The following COG2 variants were observed in gnomAD, a reference collection of about 807,000 sequenced individuals.
The protein encoded by COG2 is conserved oligomeric Golgi complex subunit 2.
A neutral mutation model predicts 90.6 loss-of-function variants in COG2; 52 were observed. The observed-to-expected ratio is 0.57, with a 90% confidence interval of 0.46 to 0.72. COG2 has a LOEUF of 0.72. COG2 is among the 30% of genes least tolerant of loss of function. The pLI is 0.00. For missense variants in COG2, 829 were observed against 891.2 expected, an observed-to-expected ratio of 0.93 and a Z score of 0.89; for synonymous variants, 337 against 320.4, an observed-to-expected ratio of 1.05 and a Z score of -0.55.
chr1:230,688,612 G>T, intron 15 of COG2, 50 bp downstream of exon 15: 1 of 1,602,672 alleles, frequency 6.2e-7, no homozygotes, highest in South Asian at 1.1e-5. Flanking sequence ...GTGTGTGTTA[G>T]GAAAGCCAAA....
intron 1 of COG2, among the ~76,000 whole-genome samples, chr1:230,643,655 GT>G (rs199999572): frequency 6.6e-6 from 1 of 150,726 alleles, no homozygotes; most frequent in Admixed American, 6.6e-5. Context: ...CTCCAAAGCT[GT>G]TTTTTTTTAA....
rs748661829 is a variant in COG2 at position 230,679,011 on chromosome 1, C to A, written c.1125C>A (p.Ser375Arg). 2.5e-6 allele frequency: 4 copies of A among 1,613,608 alleles called. No individual in the cohort carries two copies. In the Admixed American group the frequency reaches 6.7e-5, roughly 27 times the overall value. ...TAAGAGCCCATCCTGCCTATCACAGCTTCAATAAGAAGTGGAACTTGCCTG... is the reference window on the plus strand; with the variant it reads ...TAAGAGCCCATCCTGCCTATCACAGATTCAATAAGAAGTGGAACTTGCCTG... ...KRLRAHPAYH[S>R]FNKKWNLPVY... Residue 375 changes from serine (S) to arginine (R), a missense_variant, in exon 10 of 18, where the codon AGC (serine) becomes AGA (arginine). Ser to Arg is a moderately radical substitution (Grantham distance 110). Transcript: ENST00000366669.
chr1:230,678,482 A>G, intron 9 of COG2: 1 of 985,292 alleles, frequency 1.0e-6, no homozygotes, highest in Middle Eastern at 5.2e-4. Flanking sequence ...ATAAAAATGA[A>G]GTGAATACTC....
intron 17 of COG2, 76 bp from the exon 18 acceptor site, chr1:230,693,216 A>T (rs1663079444): frequency 1.1e-6 from 1 of 876,210 alleles, no homozygotes; most frequent in Non-Finnish European, 1.9e-6. Context: ...GAGGATGAAG[A>T]TTTTCTTTCT....
chr1:230,672,753 A>G (rs761952295), intron 8 of COG2, among the ~76,000 whole-genome samples: 3 of 151,916 alleles, frequency 2.0e-5, no homozygotes, highest in Non-Finnish European at 4.4e-5. Flanking sequence ...GGGTCTGCTG[A>G]GTACTGATTT....
chr1:230,666,045 C>T (rs1159713360), intron 5 of COG2, among the ~76,000 whole-genome samples: 1 of 152,144 alleles, frequency 6.6e-6, no homozygotes, highest in African/African-American at 2.4e-5. Flanking sequence ...TAATGGCCTC[C>T]TGGATGCTGA....
rs567142725 is a variant in COG2 at position 230,683,846 on chromosome 1, C to A, written c.1228+211C>A. Among the ~76,000 whole-genome samples, 11 of 151,582 alleles carry A rather than the reference C, an allele frequency of 7.3e-5. No homozygotes were observed. In the South Asian group the frequency reaches 2.3e-3, roughly 32 times the overall value. On this transcript the variant is annotated intron_variant, in intron 11 of 17. Coordinates refer to ENST00000366669, the MANE Select transcript of COG2 (RefSeq NM_007357.3). ...TCGCTGTGTTGCCCAGGCTGGAGTG[C>A]AATGGCATGATCTTGGCTCACTGCA...
At chr1:230,680,647 T>C (rs1407433076) in intron 10 of COG2, 1 of 152,248 alleles carries the variant, frequency 6.6e-6, no homozygotes, top group East Asian at 1.9e-4. Context: ...AAGGAGCTGA[T>C]TAGCCTTTTT....
rs1003862283 is a variant in COG2 at position 230,681,482 on chromosome 1, A to G, written c.1167-2092A>G. 18 of 152,308 alleles carry G rather than the reference A, an allele frequency of 1.2e-4. 1 individual carries two copies. The highest frequency in any genetic ancestry group is 4.1e-4 in the African/African-American group (17 of 41,564). The allele number at this position is 152,308 out of a possible 1,614,324, so 9.4% of individuals were successfully genotyped here. On this transcript the variant is annotated intron_variant, in intron 10 of 17. Transcript: ENST00000366669. ...ACGGGTGCACTTAATGATGTTTCCA[A>G]TACTTCAGAGAAAAAAAACAATAGG...
chr1:230,654,923 T>C (rs1662013421), intron 1 of COG2, among the ~76,000 whole-genome samples: 1 of 152,220 alleles, frequency 6.6e-6, no homozygotes, highest in Non-Finnish European at 1.5e-5. Flanking sequence ...ATAGGAATGC[T>C]TGTGATTTTT....
chr1:230,660,160 C>A (rs959789376), intron 2 of COG2, among the ~76,000 whole-genome samples: 1 of 152,134 alleles, frequency 6.6e-6, no homozygotes, highest in Non-Finnish European at 1.5e-5. Flanking sequence ...TTTTGGTCAT[C>A]CTGTTCCTAT....
At chr1:230,651,410 G>A (rs1661910938) in intron 1 of COG2, among the ~76,000 whole-genome samples, 1 of 152,132 alleles carries the variant, frequency 6.6e-6, no homozygotes, top group Non-Finnish European at 1.5e-5. Context: ...GTTCTCTTGT[G>A]TTAGTCATTG....
At chr1:230,669,780 G>C in intron 7 of COG2, 1 of 376,206 alleles carries the variant, frequency 2.7e-6, no homozygotes, top group Non-Finnish European at 4.8e-6. Context: ...CTTCAAGGGC[G>C]AGATTCAAGG....
At chr1:230,673,688 T>G (rs3789643) in intron 8 of COG2, among the ~76,000 whole-genome samples, 9,925 of 152,188 alleles carry the variant, frequency 0.065, 758 homozygotes, top group African/African-American at 0.18. Flanking sequence ...TATTTGGAAG[T>G]GTATAATATG....
intron 16 of COG2, 162 bp downstream of exon 16, chr1:230,690,315 C>A: frequency 1.6e-6 from 1 of 611,302 alleles, no homozygotes. Context: ...CTTCCTCCCT[C>A]CCCACACCCT....
rs567131525 is a variant in COG2, at chr1:230,653,701, T to C, written c.73-5763T>C. Among the ~76,000 whole-genome samples, 7 of 152,314 alleles carry C rather than the reference T, an allele frequency of 4.6e-5. No homozygotes were observed. In the South Asian group the frequency reaches 1.4e-3, roughly 32 times the overall value. ...ATAATTTATAAACTGTAGAAGTTTATGTGGCTCACAGTTTTGGAGGTTGGG... is the reference window on the plus strand; with the variant it reads ...ATAATTTATAAACTGTAGAAGTTTACGTGGCTCACAGTTTTGGAGGTTGGG... On this transcript the variant is annotated intron_variant, in intron 1 of 17. Coordinates refer to ENST00000366669, the MANE Select transcript of COG2 (RefSeq NM_007357.3).
chr1:230,673,621 G>T (rs904753469), intron 8 of COG2, among the ~76,000 whole-genome samples: 1 of 152,178 alleles, frequency 6.6e-6, no homozygotes, highest in African/African-American at 2.4e-5. Context: ...GTAGTTTGGA[G>T]TCCTCAATTT....
At chr1:230,647,628 C>T (rs1661821264) in intron 1 of COG2, among the ~76,000 whole-genome samples, 1 of 152,064 alleles carries the variant, frequency 6.6e-6, no homozygotes, top group African/African-American at 2.4e-5. Flanking sequence ...CCCTCAGTAT[C>T]CGCAGAGGAT....
At chr1:230,682,115 A>C (rs888001247) in intron 10 of COG2, 1 of 152,256 alleles carries the variant, frequency 6.6e-6, no homozygotes, top group African/African-American at 2.4e-5. Flanking sequence ...AATATATCTC[A>C]GGTTCCATAA....
Sources: gnomAD v4.1 joint callset for allele counts (sites outside exome capture counted in the v4.1 genomes callset) on GRCh38, gnomAD v4.1.1 for gene constraint, MANE v1.5 for transcripts, NCBI Gene and HGNC (gene_info 2026-07-23, HGNC 2026-07-21) for gene names.